BTBD6: variants seen among roughly 807,000 people sequenced by gnomAD.
The protein encoded by BTBD6 is BTB/POZ domain-containing protein 6.
BTBD6 carries 30 observed loss-of-function variants against 40.6 expected under a neutral mutation model. The ratio of observed to expected loss-of-function variants is 0.74; its 90% CI spans 0.55 to 1.00. The LOEUF is 1.00. Among genes scored for constraint, BTBD6 ranks in the 50% least tolerant of loss-of-function variants. The pLI is 0.00. For missense variants in BTBD6, 698 were observed against 694.6 expected, an observed-to-expected ratio of 1.00 and a Z score of -0.06; for synonymous variants, 378 against 308.7, an observed-to-expected ratio of 1.22 and a Z score of -2.35.
In BTBD6 at chr14:105,248,556, G is replaced by GGCGGGTACGGGC. The variant is rs2055298029; in HGVS notation, c.-155_-144dup. 6.0e-6 allele frequency: 5 copies of GGCGGGTACGGGC among 828,364 alleles called. No individual in the cohort carries two copies. Among genetic ancestry groups the GGCGGGTACGGGC allele is most frequent in the Admixed American group, 1.6e-4 (2 of 12,132 alleles). 51.3% of individuals were successfully genotyped at this position (828,364 alleles called of 1,614,324 possible). A position where few individuals can be genotyped will look rare whatever the true frequency, so the allele number is the denominator to read the frequency against. On this transcript the variant is annotated 5_prime_UTR_variant, in exon 1 of 4. Transcript: ENST00000392554. ...ACGCAGCGTGACGCACCGGCGCCGCGGCGGGTACGGGCTCGGGCGGGCGGG... is the reference window on the plus strand; with the variant it reads ...ACGCAGCGTGACGCACCGGCGCCGCGGCGGGTACGGGCGCGGGTACGGGCTCGGGCGGGCGGG...
chr14:105,248,557 GCGGGTACGGGCT>G lies in BTBD6; in HGVS notation c.-150_-139del, dbSNP rs1257129329. On this transcript the variant is annotated 5_prime_UTR_variant, in exon 1 of 4. Coordinates refer to ENST00000392554, the MANE Select transcript of BTBD6 (RefSeq NM_001387567.1). The stretch of plus-strand genomic sequence containing the variant: ...CGCAGCGTGACGCACCGGCGCCGCG[GCGGGTACGGGCT>G]CGGGCGGGCGGGCGGGCGGGACGGC... 50 of 920,564 alleles carry G rather than the reference GCGGGTACGGGCT, an allele frequency of 5.4e-5. No homozygotes were observed. The highest frequency in any genetic ancestry group is 1.1e-3 in the Middle Eastern group (2 of 1,830). 57.0% of individuals were successfully genotyped at this position (920,564 alleles called of 1,614,324 possible). A position where few individuals can be genotyped will look rare whatever the true frequency, so the allele number is the denominator to read the frequency against.
In BTBD6 at chr14:105,250,524, A is replaced by G. The variant is rs1173465296; in HGVS notation, c.1469A>G (p.Asp490Gly). 6.2e-7 allele frequency: 1 copy of G among 1,614,058 alleles called. No individual in the cohort carries two copies. The highest frequency in any genetic ancestry group is 2.2e-5 in the East Asian group (1 of 44,886). ...DTFYTASAVL[D>G]GSELSYFGQE... ...TTCTACACGGCCAGTGCCGTCCTGG[A>G]CGGCAGCGAACTCAGCTACTTTGGG... Residue 490 changes from aspartate to glycine, a missense_variant, in exon 4 of 4, where the codon GAC becomes GGC. By Grantham distance (94) the Asp-to-Gly change is moderately conservative (BLOSUM62 -1). Transcript: ENST00000392554.
rs1159382945 is a variant in BTBD6 at position 105,250,339 on chromosome 14, G to A, written c.1284G>A (p.Leu428=). Residue 428 remains leucine, a synonymous_variant, in exon 4 of 4, where the codon CTG becomes CTA. Coordinates refer to ENST00000392554, the MANE Select transcript of BTBD6 (RefSeq NM_001387567.1). The part of the protein sequence containing the change: ...DRRVFIAGLG[L]YGSSSGKAEY... ...GGGTATTTATTGCAGGGCTGGGCCT[G>A]TATGGCTCCAGCTCTGGGAAGGCTG... is the stretch of plus-strand genomic sequence containing the variant. The A allele has an allele frequency of 4.3e-6, 7 of 1,613,466 alleles. No individual in the cohort carries two copies. The highest frequency in any genetic ancestry group is 5.9e-6 in the Non-Finnish European group (7 of 1,180,048).
chr14:105,249,021 A>G lies in BTBD6; in HGVS notation c.310A>G (p.Thr104Ala), dbSNP rs2055379074. Residue 104 changes from threonine to alanine, a missense_variant, in exon 1 of 4, where the codon ACA becomes GCA. Transcript: ENST00000392554. Reference protein sequence around the residue: ...APPPPAPAPPTLGNNHQESPG... With the variant: ...APPPPAPAPPALGNNHQESPG... ...GCCGCCGCCCGCGCCCGCGCCGCCCACACTCGGCAACAACCACCAGGAGAG... is the reference window on the plus strand; with the variant it reads ...GCCGCCGCCCGCGCCCGCGCCGCCCGCACTCGGCAACAACCACCAGGAGAG... The G allele has an allele frequency of 8.7e-7, 1 of 1,150,876 alleles. No individual in the cohort carries two copies. The allele number at this position is 1,150,876 out of a possible 1,614,324, so 71.3% of individuals were successfully genotyped here.
rs1460714606 is a variant in BTBD6, at chr14:105,248,792, G to C, written c.81G>C (p.Pro27=). The C allele has an allele frequency of 3.1e-5, 30 of 982,826 alleles. No individual in the cohort carries two copies. Among genetic ancestry groups the C allele is most frequent in the Non-Finnish European group, 3.6e-5 (30 of 829,814 alleles). 60.9% of individuals were successfully genotyped at this position (982,826 alleles called of 1,614,324 possible). A position where few individuals can be genotyped will look rare whatever the true frequency, so the allele number is the denominator to read the frequency against. The change falls in exon 1 of 4, where the codon CCG becomes CCC. Residue 27 remains proline, a synonymous_variant. Coordinates refer to ENST00000392554, the MANE Select transcript of BTBD6 (RefSeq NM_001387567.1). ...TGCTTTTGCTTGCAGAGCCGCTCCC[G>C]AGGCCCCGGCGCGGCGCGAGGGCGC... ...TSLLLLAEPL[P]RPRRGARARG... is the part of the protein sequence containing the mutation.
rs1185672507 is a variant in BTBD6 at position 105,248,568 on chromosome 14, C to T, written c.-144C>T. Reference sequence around the variant, plus strand: ...GCACCGGCGCCGCGGCGGGTACGGGCTCGGGCGGGCGGGCGGGCGGGACGG... The same window carrying T: ...GCACCGGCGCCGCGGCGGGTACGGGTTCGGGCGGGCGGGCGGGCGGGACGG... On this transcript the variant is annotated 5_prime_UTR_variant, in exon 1 of 4. Coordinates refer to ENST00000392554, the MANE Select transcript of BTBD6 (RefSeq NM_001387567.1). 206 of 203,412 alleles carry T rather than the reference C, an allele frequency of 1.0e-3. No homozygotes were observed. The East Asian group carries it at 0.013, about 13-fold the overall frequency. 12.6% of individuals were successfully genotyped at this position (203,412 alleles called of 1,614,324 possible). A position where few individuals can be genotyped will look rare whatever the true frequency, so the allele number is the denominator to read the frequency against.
Position 105,249,748 on chromosome 14 carries a change from T to C in BTBD6, c.693T>C (p.Phe231=), listed in dbSNP as rs751511079. 2 of 1,613,804 alleles carry C rather than the reference T, an allele frequency of 1.2e-6. No individual in the cohort carries two copies. Among genetic ancestry groups the C allele is most frequent in the Non-Finnish European group, 1.7e-6 (2 of 1,180,046 alleles). The change falls in exon 4 of 4, where the codon TTT becomes TTC. Residue 231 remains phenylalanine, a synonymous_variant. Transcript: ENST00000392554. The stretch of plus-strand genomic sequence containing the variant: ...CATTGGCAAAAGCCTGTGTCAACTT[T>C]CTGGAGACAAGTTTGGAAGCCAAGA... ...VPALAKACVN[F]LETSLEAKNA...
chr14:105,248,984 C>G lies in BTBD6; in HGVS notation c.273C>G (p.Pro91=). 1.0e-6 allele frequency: 1 copy of G among 985,574 alleles called. No homozygotes were observed. The highest frequency in any genetic ancestry group is 1.2e-6 in the Non-Finnish European group (1 of 831,472). The allele number at this position is 985,574 out of a possible 1,614,324, so 61.1% of individuals were successfully genotyped here. ...KAGPRSPPSA[P]APAPPPPAPA... ...GGCCGCGCAGCCCGCCCAGCGCCCCCGCGCCAGCGCCGCCGCCGCCCGCGC... is the reference window on the plus strand; with the variant it reads ...GGCCGCGCAGCCCGCCCAGCGCCCCGGCGCCAGCGCCGCCGCCGCCCGCGC... Residue 91 remains proline (P), a synonymous_variant, in exon 1 of 4, where the codon CCC becomes CCG. Transcript: ENST00000392554.
chr14:105,249,845 A>G lies in BTBD6; in HGVS notation c.790A>G (p.Ile264Val). The change falls in exon 4 of 4, where the codon ATT becomes GTT. Residue 264 changes from isoleucine to valine, a missense_variant. Transcript: ENST00000392554. ...PELTQRCWEV[I>V]DAQAEMALRS... Reference sequence around the variant, plus strand: ...GCTGACGCAGCGCTGCTGGGAGGTCATTGACGCACAGGCCGAGATGGCCCT... The same window carrying G: ...GCTGACGCAGCGCTGCTGGGAGGTCGTTGACGCACAGGCCGAGATGGCCCT... The G allele has an allele frequency of 6.2e-7, 1 of 1,613,244 alleles. No individual in the cohort carries two copies. The highest frequency in any genetic ancestry group is 8.5e-7 in the Non-Finnish European group (1 of 1,180,026).
Position 105,249,964 on chromosome 14 carries a change from G to A in BTBD6, c.909G>A (p.Glu303=), listed in dbSNP as rs772007157. 2 of 1,612,338 alleles carry A rather than the reference G, an allele frequency of 1.2e-6. No individual in the cohort carries two copies. The highest frequency in any genetic ancestry group is 1.7e-5 in the Admixed American group (1 of 60,018). ...ACACCAAAGAGGCGGTGGTCTTCGA[G>A]GCCGTCCTGAACTGGGCCGAGGCGG... is the stretch of plus-strand genomic sequence containing the variant. ...ALNTKEAVVF[E]AVLNWAEAEC... is the part of the protein sequence containing the mutation. Residue 303 remains glutamate, a synonymous_variant, in exon 4 of 4, where the codon GAG becomes GAA. Coordinates refer to ENST00000392554, the MANE Select transcript of BTBD6 (RefSeq NM_001387567.1).
Position 105,249,930 on chromosome 14 carries a change from A to G in BTBD6, c.875A>G (p.Glu292Gly), listed in dbSNP as rs781741794. 1.9e-6 allele frequency: 3 copies of G among 1,611,562 alleles called. No homozygotes were observed. In the South Asian group the frequency reaches 3.3e-5, roughly 18 times the overall value. The change falls in exon 4 of 4, where the codon GAG becomes GGG. Residue 292 changes from glutamate to glycine, a missense_variant. Transcript: ENST00000392554. ...ACGCTGGAGATCATTGTCACTCGGGAGGCCCTCAACACCAAAGAGGCGGTG... is the reference window on the plus strand; with the variant it reads ...ACGCTGGAGATCATTGTCACTCGGGGGGCCCTCAACACCAAAGAGGCGGTG... ...RQTLEIIVTR[E>G]ALNTKEAVVF...
chr14:105,248,569 T>TCGGGCGGCGGGTACGGGCTCGGG lies in BTBD6; in HGVS notation c.-136_-135insCGGGTACGGGCTCGGGCGGGCGG. The TCGGGCGGCGGGTACGGGCTCGGG allele has an allele frequency of 1.8e-6, 1 of 542,156 alleles. No individual in the cohort carries two copies. Among genetic ancestry groups the TCGGGCGGCGGGTACGGGCTCGGG allele is most frequent in the Non-Finnish European group, 2.2e-6 (1 of 452,686 alleles). The allele number at this position is 542,156 out of a possible 1,614,324, so 33.6% of individuals were successfully genotyped here. A position where few individuals can be genotyped will look rare whatever the true frequency, so the allele number is the denominator to read the frequency against. On this transcript the variant is annotated 5_prime_UTR_variant, in exon 1 of 4. Transcript: ENST00000392554. ...CACCGGCGCCGCGGCGGGTACGGGCTCGGGCGGGCGGGCGGGCGGGACGGC... is the reference window on the plus strand; with the variant it reads ...CACCGGCGCCGCGGCGGGTACGGGCTCGGGCGGCGGGTACGGGCTCGGGCGGGCGGGCGGGCGGGCGGGACGGC...
Position 105,250,664 on chromosome 14 carries a change from T to C in BTBD6, c.1609T>C (p.Tyr537His). ...QGGQIPELIF[Y>H]A Reference sequence around the variant, plus strand: ...TGGGCAGATCCCTGAGCTCATTTTCTATGCCTGAGGTGCCCGGGGAGGCTG... The same window carrying C: ...TGGGCAGATCCCTGAGCTCATTTTCCATGCCTGAGGTGCCCGGGGAGGCTG... The change falls in exon 4 of 4, where the codon TAT becomes CAT. Residue 537 changes from tyrosine to histidine, a missense_variant. Tyr to His is a moderately conservative substitution (Grantham distance 83). Coordinates refer to ENST00000392554, the MANE Select transcript of BTBD6 (RefSeq NM_001387567.1). 6.2e-7 allele frequency: 1 copy of C among 1,607,190 alleles called. No individual in the cohort carries two copies. Among genetic ancestry groups the C allele is most frequent in the Non-Finnish European group, 8.5e-7 (1 of 1,175,390 alleles).
rs1202963160 is a variant in BTBD6 at position 105,249,978 on chromosome 14, G to A, written c.923G>A (p.Trp308Ter). 1 of 1,612,560 alleles carries A rather than the reference G, an allele frequency of 6.2e-7. No homozygotes were observed. ...GTGGTCTTCGAGGCCGTCCTGAACT[G>A]GGCCGAGGCGGAGTGCAAGAGGCAG... The part of the protein sequence containing the change: ...EAVVFEAVLN[W>*]AEAECKRQGL... The change falls in exon 4 of 4, where the codon TGG becomes TAG. Residue 308 changes from tryptophan to a stop codon, truncating the protein, a stop_gained. Transcript: ENST00000392554. LOFTEE classifies it high-confidence loss of function.
Position 105,250,430 on chromosome 14 carries a change from A to G in BTBD6, c.1375A>G (p.Met459Val), listed in dbSNP as rs759574957. The G allele has an allele frequency of 6.8e-6, 11 of 1,613,882 alleles. No individual in the cohort carries two copies. In the Admixed American group the frequency reaches 1.7e-4, roughly 24 times the overall value. ...VVLAQNLTKFMSDGSSNTFPV... is the reference protein window; with the variant it reads ...VVLAQNLTKFVSDGSSNTFPV... The stretch of plus-strand genomic sequence containing the variant: ...TCTGGCTCAGAACTTGACCAAGTTC[A>G]TGTCAGACGGATCCAGTAACACCTT... The change falls in exon 4 of 4, where the codon ATG (methionine) becomes GTG (valine). Residue 459 changes from methionine (M) to valine (V), a missense_variant. Physicochemically the swap from Met to Val is conservative, Grantham distance 21 (BLOSUM62 1). Transcript: ENST00000392554.
Position 105,250,404 on chromosome 14 carries a change from T to C in BTBD6, c.1349T>C (p.Val450Ala). 2.5e-6 allele frequency: 4 copies of C among 1,613,808 alleles called. No homozygotes were observed. Among genetic ancestry groups the C allele is most frequent in the Non-Finnish European group, 3.4e-6 (4 of 1,180,026 alleles). Residue 450 changes from valine to alanine, a missense_variant, in exon 4 of 4, where the codon GTT becomes GCT. Transcript: ENST00000392554. ...VKIELKRLGV[V>A]LAQNLTKFMS... ...ATTGAGCTCAAGCGGCTCGGGGTGG[T>C]TCTGGCTCAGAACTTGACCAAGTTC...
At position 105,249,160 on chromosome 14, in the gene BTBD6, C is replaced by T. The variant is rs774487122; in HGVS notation, c.378C>T (p.Asn126=). 10 of 1,576,916 alleles carry T rather than the reference C, an allele frequency of 6.3e-6. No individual in the cohort carries two copies. The highest frequency in any genetic ancestry group is 3.4e-5 in the South Asian group (3 of 87,992). Residue 126 remains asparagine (N), a synonymous_variant, in exon 2 of 4, where the codon AAC becomes AAT. Transcript: ENST00000392554. ...RCCRPTLRER[N]ALMFNNELMA... Reference sequence around the variant, plus strand: ...GCCCGTGCCTCTACCTTTGCAGGAACGCGCTCATGTTCAACAACGAGCTCA... The same window carrying T: ...GCCCGTGCCTCTACCTTTGCAGGAATGCGCTCATGTTCAACAACGAGCTCA...
chr14:105,249,622 G>C lies in BTBD6; in HGVS notation c.585-18G>C. 1 of 1,596,416 alleles carries C rather than the reference G, an allele frequency of 6.3e-7. No individual in the cohort carries two copies. Among genetic ancestry groups the C allele is most frequent in the Non-Finnish European group, 8.5e-7 (1 of 1,169,648 alleles). On this transcript the variant is annotated intron_variant, in intron 3 of 3. Transcript: ENST00000392554. ...GTGCTTGGGAGCCAGCCCCTGACGC[G>C]GGCCCTGCCTCGCCTAGGTACATGT...
In BTBD6 at chr14:105,248,680, C is replaced by T. The variant is rs2055335450; in HGVS notation, c.-32C>T. ...GCGGGGGTGGCAGGGGAGCGGGTGG[C>T]AGCCCCGCGGGTCACAGCGCCGCCG... On this transcript the variant is annotated 5_prime_UTR_variant, in exon 1 of 4. Coordinates refer to ENST00000392554, the MANE Select transcript of BTBD6 (RefSeq NM_001387567.1). 1.5e-5 allele frequency: 15 copies of T among 981,886 alleles called. No homozygotes were observed. The South Asian group carries it at 6.6e-4, about 43-fold the overall frequency. The allele number at this position is 981,886 out of a possible 1,614,324, so 60.8% of individuals were successfully genotyped here.
Sources: allele counts gnomAD v4.1 joint callset, GRCh38; gene constraint gnomAD v4.1.1; transcripts MANE v1.5; gene names NCBI Gene and HGNC (gene_info 2026-07-23, HGNC 2026-07-21).